JARID2: variants seen among roughly 807,000 people sequenced by gnomAD.
JARID2 encodes jumonji and AT-rich interaction domain containing 2, also known as protein Jumonji.
In JARID2, 21 loss-of-function variants were observed where a neutral mutation model predicts 125.6. The ratio of observed to expected loss-of-function variants is 0.17; its 90% CI spans 0.12 to 0.24. JARID2 has a LOEUF of 0.24. JARID2 is among the 10% of genes least tolerant of loss of function. JARID2 has a pLI of 1.00. For synonymous variants in JARID2, 736 were observed against 661.6 expected (o/e 1.11, Z -1.73); for missense variants, 1,303 against 1,639.6 (o/e 0.79, Z 3.55).
intron 2 of JARID2, among the ~76,000 whole-genome samples, chr6:15,388,270 T>G (rs1005402925): frequency 1.3e-5 from 2 of 152,216 alleles, no homozygotes; most frequent in African/African-American, 4.8e-5. Context: ...CTGTTATTAC[T>G]TGAGCCACTT....
At chr6:15,394,531 C>A (rs555596244) in intron 2 of JARID2, among the ~76,000 whole-genome samples, 1 of 152,050 alleles carries the variant, frequency 6.6e-6, no homozygotes, top group African/African-American at 2.4e-5. Flanking sequence ...CCCGGAAGGT[C>A]GACGCTGTAG....
At chr6:15,388,541 T>C (rs771755176) in intron 2 of JARID2, among the ~76,000 whole-genome samples, 1 of 150,916 alleles carries the variant, frequency 6.6e-6, no homozygotes, top group Non-Finnish European at 1.5e-5. Flanking sequence ...TTCAAGGAGG[T>C]GTGGGGATGA....
At chr6:15,260,275 C>T (rs10949288) in intron 1 of JARID2, among the ~76,000 whole-genome samples, 1,737 of 152,090 alleles carry the variant, frequency 0.011, 24 homozygotes, top group South Asian at 0.053. Flanking sequence ...TTGAGGGGAG[C>T]GATTGGTGGG....
chr6:15,470,757 T>C (rs544821655), intron 5 of JARID2, among the ~76,000 whole-genome samples: 24 of 152,302 alleles, frequency 1.6e-4, no homozygotes, highest in Non-Finnish European at 2.9e-4. Context: ...CATATGTGAA[T>C]TGGAATGCAG....
chr6:15,516,422 A>G (rs975826486), intron 16 of JARID2, among the ~76,000 whole-genome samples: 1 of 152,218 alleles, frequency 6.6e-6, no homozygotes, highest in Non-Finnish European at 1.5e-5. Flanking sequence ...AACCCTAGAC[A>G]GGCCCCCAGT....
chr6:15,458,137 G>T (rs546240814), intron 4 of JARID2, among the ~76,000 whole-genome samples: 1 of 152,216 alleles, frequency 6.6e-6, no homozygotes, highest in Non-Finnish European at 1.5e-5. Context: ...TACCATCGCC[G>T]TATTCCCTGT....
chr6:15,516,405 C>T (rs78182132), intron 16 of JARID2, among the ~76,000 whole-genome samples: 2,350 of 152,308 alleles, frequency 0.015, 63 homozygotes, highest in African/African-American at 0.053. Context: ...TTCATCCGGC[C>T]CCTCTCAACC....
intron 7 of JARID2, 65 bp downstream of exon 7, chr6:15,497,235 C>G (rs1351632770): frequency 1.6e-6 from 2 of 1,226,096 alleles, no homozygotes; most frequent in African/African-American, 1.5e-5. Context: ...CTGCAGTTCC[C>G]TCACAGTCTT....
chr6:15,365,708 G>A (rs1217189936), intron 1 of JARID2, among the ~76,000 whole-genome samples: 1 of 151,766 alleles, frequency 6.6e-6, no homozygotes, highest in African/African-American at 2.4e-5. Context: ...CCTTGCAGAA[G>A]CATTTTCAGG....
At position 15,520,368 on chromosome 6, in the gene JARID2, T is replaced by C; in HGVS notation, c.*117T>C. The C allele has an allele frequency of 2.5e-6, 2 of 807,908 alleles. No individual in the cohort carries two copies. Among genetic ancestry groups the C allele is most frequent in the East Asian group, 6.1e-5 (2 of 33,002 alleles). 50.0% of individuals were successfully genotyped at this position (807,908 alleles called of 1,614,324 possible). On this transcript the variant is annotated 3_prime_UTR_variant, in exon 18 of 18. Coordinates refer to ENST00000341776, the MANE Select transcript of JARID2 (RefSeq NM_004973.4). ...TGCACTAGCTCTAAAGAAGATTTTC[T>C]TCTGGTTTTAGAGAACTAATTTTGT...
At chr6:15,433,646 G>T (rs1161730308) in intron 3 of JARID2, among the ~76,000 whole-genome samples, 1 of 152,040 alleles carries the variant, frequency 6.6e-6, no homozygotes, top group Non-Finnish European at 1.5e-5. Flanking sequence ...GCTTCCTGTG[G>T]GTTGCAATAC....
At chr6:15,450,999 C>T (rs555274986) in intron 3 of JARID2, among the ~76,000 whole-genome samples, 3 of 152,164 alleles carry the variant, frequency 2.0e-5, no homozygotes, top group Admixed American at 2.0e-4. Context: ...CTCACCTCTA[C>T]AAAAAATACC....
At chr6:15,295,512 A>G (rs1189798567) in intron 1 of JARID2, among the ~76,000 whole-genome samples, 1 of 152,340 alleles carries the variant, frequency 6.6e-6, no homozygotes, top group East Asian at 1.9e-4. Flanking sequence ...ACAGTGGTTC[A>G]GCATTGGCAT....
intron 2 of JARID2, among the ~76,000 whole-genome samples, chr6:15,384,449 C>T (rs1764706804): frequency 6.6e-6 from 1 of 150,804 alleles, no homozygotes; most frequent in East Asian, 2.0e-4. Context: ...CTCTCATCTG[C>T]TTCTGTTGTC....
chr6:15,250,382 G>A (rs1759397096), intron 1 of JARID2, among the ~76,000 whole-genome samples: 1 of 152,140 alleles, frequency 6.6e-6, no homozygotes, highest in African/African-American at 2.4e-5. Flanking sequence ...TTTACAGTTG[G>A]TGGGGTGGTG....
intron 1 of JARID2, among the ~76,000 whole-genome samples, chr6:15,252,895 C>A (rs768147301): frequency 6.6e-6 from 1 of 152,150 alleles, no homozygotes; most frequent in Non-Finnish European, 1.5e-5. Flanking sequence ...CTTGCCTCAC[C>A]CTTGCAGGCA....
intron 1 of JARID2, among the ~76,000 whole-genome samples, chr6:15,296,275 A>G (rs1302628108): frequency 1.3e-5 from 2 of 152,144 alleles, no homozygotes; most frequent in African/African-American, 2.4e-5. Flanking sequence ...GTGCATTCTA[A>G]TAGAATCATT....
In JARID2 at chr6:15,283,200, G is replaced by A. The variant is rs896286183; in HGVS notation, c.45+36616G>A. 3.6e-4 allele frequency among the ~76,000 whole-genome samples: 53 copies of A among 148,962 alleles called. 1 individual carries two copies. Among genetic ancestry groups the A allele is most frequent in the East Asian group, 2.0e-3 (10 of 4,904 alleles). The stretch of plus-strand genomic sequence containing the variant: ...TCACCGTGTTAGCCAGGACGGTCTC[G>A]ATCTGCCGACCTTGTGATCTGCCCA... On this transcript the variant is annotated intron_variant, in intron 1 of 17. Coordinates refer to ENST00000341776, the MANE Select transcript of JARID2 (RefSeq NM_004973.4).
At chr6:15,440,623 C>G (rs1237397381) in intron 3 of JARID2, among the ~76,000 whole-genome samples, 3 of 152,168 alleles carry the variant, frequency 2.0e-5, no homozygotes, top group Non-Finnish European at 2.9e-5. Flanking sequence ...GGCACAGTTT[C>G]TTTGGGTTGT....
Sources: gnomAD v4.1 joint callset for allele counts (sites outside exome capture counted in the v4.1 genomes callset) on GRCh38, gnomAD v4.1.1 for gene constraint, MANE v1.5 for transcripts, NCBI Gene and HGNC (gene_info 2026-07-23, HGNC 2026-07-21) for gene names.